The following TBC1D2 variants were observed in gnomAD, a reference collection of about 807,000 sequenced individuals.
TBC1D2 encodes the protein TBC1 domain family member 2A.
In TBC1D2, 58 loss-of-function variants were observed where a neutral mutation model predicts 91.1. The ratio of observed to expected loss-of-function variants is 0.64; its 90% CI spans 0.52 to 0.79. The LOEUF (loss-of-function observed/expected upper bound fraction) is 0.79, where lower values mean the gene tolerates loss of function less well. Ranked by LOEUF, TBC1D2 falls within the 30% of genes least tolerant of loss-of-function variation. The probability of loss-of-function intolerance (pLI) is 0.00; values close to 1 mark genes in which losing one functional copy is unlikely to be tolerated. For missense variants in TBC1D2, 1,080 were observed against 1,208.3 expected, an observed-to-expected ratio of 0.89 and a Z score of 1.57; for synonymous variants, 482 against 511.5, an observed-to-expected ratio of 0.94 and a Z score of 0.78.
intron 2 of TBC1D2, among the ~76,000 whole-genome samples, chr9:98,247,819 C>T (rs972660831): frequency 1.3e-5 from 2 of 150,952 alleles, no homozygotes; most frequent in Non-Finnish European, 2.9e-5. Flanking sequence ...TGAACTGATT[C>T]GAAAAAAATA....
intron 7 of TBC1D2, among the ~76,000 whole-genome samples, chr9:98,212,694 T>C (rs1473666598): frequency 6.6e-6 from 1 of 151,952 alleles, no homozygotes; most frequent in Non-Finnish European, 1.5e-5. Flanking sequence ...TTAGTAGAGA[T>C]GGGGTTTCAC....
intron 2 of TBC1D2, among the ~76,000 whole-genome samples, chr9:98,248,278 G>A (rs1215256674): frequency 6.6e-6 from 1 of 152,246 alleles, no homozygotes; most frequent in Non-Finnish European, 1.5e-5. Context: ...ACAGGATGGC[G>A]ATGCCCCAAC....
chr9:98,222,709 T>C (rs1456469910), intron 5 of TBC1D2, among the ~76,000 whole-genome samples: 2 of 152,254 alleles, frequency 1.3e-5, no homozygotes, highest in African/African-American at 4.8e-5. Context: ...CAGGCAACAC[T>C]GCCCTGCTCT....
At chr9:98,250,684 G>C (rs1032605547) in intron 2 of TBC1D2, among the ~76,000 whole-genome samples, 1 of 152,168 alleles carries the variant, frequency 6.6e-6, no homozygotes, top group Non-Finnish European at 1.5e-5. Context: ...AGAGGTCCAG[G>C]GGGTACTTGG....
rs767362870 is a variant in TBC1D2 at position 98,221,148 on chromosome 9, A to C, written c.1059T>G (p.Ala353=). ...KRASSAYLAA[A]EDKDRLELVR... ...CCAGCTCCAGCCGGTCCTTGTCCTC[A>C]GCCGCCGCCAGGTATGCGCTGGACG... is the stretch of plus-strand genomic sequence containing the variant. The change falls in exon 6 of 13, where the codon GCT becomes GCG. Residue 353 remains alanine, a synonymous_variant. Coordinates refer to ENST00000465784, the MANE Select transcript of TBC1D2 (RefSeq NM_001267571.2). 10 of 1,577,648 alleles carry C rather than the reference A, an allele frequency of 6.3e-6. No homozygotes were observed. The highest frequency in any genetic ancestry group is 8.6e-6 in the Non-Finnish European group (10 of 1,162,094).
intron 10 of TBC1D2, among the ~76,000 whole-genome samples, chr9:98,202,923 T>TGTTCACCTTCTGCTTCTCCTGGC (rs1828546231): frequency 6.6e-6 from 1 of 152,262 alleles, no homozygotes; most frequent in African/African-American, 2.4e-5. Context: ...CAGCTCCTGG[T>TGTTCACCTTCTGCTTCTCCTGGC]GTTCACCTTC....
chr9:98,233,338 C>A, intron 4 of TBC1D2, 78 bp downstream of exon 4: 1 of 1,526,344 alleles, frequency 6.6e-7, no homozygotes, highest in Non-Finnish European at 8.8e-7. Flanking sequence ...TGCTGGTTCG[C>A]TGGAAGGAAA....
chr9:98,209,351 A>G (rs1224452436), intron 8 of TBC1D2, among the ~76,000 whole-genome samples: 1 of 152,170 alleles, frequency 6.6e-6, no homozygotes, highest in Non-Finnish European at 1.5e-5. Flanking sequence ...TGCCTCCTAA[A>G]GACCCAACGA....
intron 7 of TBC1D2, 133 bp downstream of exon 7, chr9:98,212,975 C>G: frequency 1.1e-6 from 1 of 925,534 alleles, no homozygotes; most frequent in Non-Finnish European, 1.7e-6. Flanking sequence ...CTGATATGGG[C>G]CCTGCTCACA....
At chr9:98,210,301 T>C (rs1828796782) in intron 8 of TBC1D2, among the ~76,000 whole-genome samples, 1 of 152,194 alleles carries the variant, frequency 6.6e-6, no homozygotes, top group Admixed American at 6.5e-5. Flanking sequence ...ACTGCCCATG[T>C]CCACTGTGCT....
rs10985434 is a variant in TBC1D2 at position 98,207,507 on chromosome 9, T to C, written c.2150+1161A>G. ...AGGTGACCTCATCCCCTAACCCCAG[T>C]CCCTCCCTGCGTCCCCTACCAATTG... On this transcript the variant is annotated intron_variant, in intron 9 of 12. Transcript: ENST00000465784. Among the ~76,000 whole-genome samples the C allele has an allele frequency of 8.9e-3, 1,356 of 152,164 alleles. 88 individuals carry two copies. In the East Asian group the frequency reaches 0.18, roughly 20 times the overall value.
intron 3 of TBC1D2, among the ~76,000 whole-genome samples, chr9:98,240,205 T>C (rs1395856987): frequency 1.3e-5 from 2 of 151,448 alleles, no homozygotes; most frequent in African/African-American, 4.9e-5. Flanking sequence ...TTTGTATAGT[T>C]GGGCCCAGAA....
At chr9:98,209,773 TTCC>T (rs796079454) in intron 8 of TBC1D2, among the ~76,000 whole-genome samples, 79 of 147,824 alleles carry the variant, frequency 5.3e-4, no homozygotes, top group African/African-American at 1.9e-3. Flanking sequence ...CCTTCCTTCC[TTCC>T]TTCCTTCCTT....
In TBC1D2 at chr9:98,221,126, G is replaced by A. The variant is rs1829090943; in HGVS notation, c.1081C>T (p.Leu361=). ...ATCTGCCGCACTTTGTGCCGCACCA[G>A]CTCCAGCCGGTCCTTGTCCTCAGCC... ...AAAEDKDRLE[L]VRHKVRQIAE... is the part of the protein sequence containing the mutation. The change falls in exon 6 of 13, where the codon CTG becomes TTG. Residue 361 remains leucine, a synonymous_variant. Transcript: ENST00000465784. The A allele has an allele frequency of 6.3e-7, 1 of 1,590,164 alleles. No homozygotes were observed. The highest frequency in any genetic ancestry group is 1.8e-5 in the Admixed American group (1 of 55,802).
intron 2 of TBC1D2, among the ~76,000 whole-genome samples, chr9:98,249,707 C>G (rs544927690): frequency 3.5e-4 from 54 of 152,192 alleles, no homozygotes; most frequent in African/African-American, 1.3e-3. Context: ...GTAACAGCAC[C>G]TATATATGTT....
intron 4 of TBC1D2, among the ~76,000 whole-genome samples, chr9:98,231,006 C>A (rs188644736): frequency 3.3e-5 from 5 of 152,324 alleles, no homozygotes; most frequent in African/African-American, 1.2e-4. Flanking sequence ...ATATGTACTA[C>A]CTCTTTCTCC....
intron 10 of TBC1D2, among the ~76,000 whole-genome samples, chr9:98,202,133 G>A (rs1181451290): frequency 6.6e-6 from 1 of 152,186 alleles, no homozygotes; most frequent in Non-Finnish European, 1.5e-5. Context: ...AAGATGCTAG[G>A]CGGATGTCTG....
At chr9:98,223,106 A>G (rs10985507) in intron 5 of TBC1D2, among the ~76,000 whole-genome samples, 36,691 of 152,250 alleles carry the variant, frequency 0.24, 4,579 homozygotes, top group East Asian at 0.32. Flanking sequence ...ATGACCCACC[A>G]CAGTGGAATG....
At chr9:98,214,770 G>T (rs912443055) in intron 6 of TBC1D2, among the ~76,000 whole-genome samples, 1 of 152,176 alleles carries the variant, frequency 6.6e-6, no homozygotes, top group African/African-American at 2.4e-5. Context: ...TGGAAGCTCC[G>T]ATGCCTGCCC....
Sources: allele counts gnomAD v4.1 joint callset (sites outside exome capture counted in the v4.1 genomes callset), GRCh38; gene constraint gnomAD v4.1.1; transcripts MANE v1.5; gene names NCBI Gene and HGNC (gene_info 2026-07-23, HGNC 2026-07-21).